CDH13: variants seen among roughly 807,000 people sequenced by gnomAD.
CDH13 encodes cadherin-13.
A neutral mutation model predicts 63.8 loss-of-function variants in CDH13; 24 were observed. The observed-to-expected ratio is 0.38, with a 90% confidence interval of 0.27 to 0.53. The LOEUF (loss-of-function observed/expected upper bound fraction) is 0.53. Among genes scored for constraint, CDH13 ranks in the 20% least tolerant of loss-of-function variants. The pLI is 0.85. For synonymous variants in CDH13, 503 were observed against 355.3 expected, an observed-to-expected ratio of 1.42 and a Z score of -4.67; for missense variants, 1,049 against 903.1, an observed-to-expected ratio of 1.16 and a Z score of -2.07.
intron 1 of CDH13, among the ~76,000 whole-genome samples, chr16:82,718,219 A>G (rs1464673702): frequency 6.6e-6 from 1 of 152,200 alleles, no homozygotes; most frequent in African/African-American, 2.4e-5. Context: ...AATGAAAACC[A>G]CATCTCATAG....
intron 3 of CDH13, among the ~76,000 whole-genome samples, chr16:83,063,547 G>T (rs1284363912): frequency 6.6e-6 from 1 of 152,230 alleles, no homozygotes; most frequent in Admixed American, 6.5e-5. Flanking sequence ...GGACAGAGAT[G>T]ATTTAGCTGA....
intron 7 of CDH13, among the ~76,000 whole-genome samples, chr16:83,578,101 C>G (rs1438979612): frequency 1.3e-5 from 2 of 152,180 alleles, no homozygotes; most frequent in Non-Finnish European, 2.9e-5. Context: ...CAGCAGCAAT[C>G]TTCAGTGCTG....
chr16:83,174,267 T>G (rs1249165379), intron 4 of CDH13, among the ~76,000 whole-genome samples: 1 of 152,086 alleles, frequency 6.6e-6, no homozygotes, highest in Non-Finnish European at 1.5e-5. Flanking sequence ...CACTTTACAA[T>G]CCATCCCTTC....
chr16:82,921,860 G>A (rs2042165989), intron 2 of CDH13, among the ~76,000 whole-genome samples: 1 of 152,036 alleles, frequency 6.6e-6, no homozygotes, highest in Admixed American at 6.6e-5. Flanking sequence ...AAACTTACCT[G>A]TAAATCTATC....
chr16:83,598,835 C>A (rs767299123), intron 7 of CDH13, among the ~76,000 whole-genome samples: 7 of 152,192 alleles, frequency 4.6e-5, no homozygotes, highest in Non-Finnish European at 8.8e-5. Flanking sequence ...CTACTAGCTC[C>A]AGATGGATGC....
At chr16:82,855,814 C>G (rs1244139774) in intron 1 of CDH13, among the ~76,000 whole-genome samples, 1 of 152,168 alleles carries the variant, frequency 6.6e-6, no homozygotes, top group African/African-American at 2.4e-5. Flanking sequence ...CACGGTGAAC[C>G]TCCTGAGATT....
intron 5 of CDH13, among the ~76,000 whole-genome samples, chr16:83,304,872 C>G (rs1597707553): frequency 6.6e-6 from 1 of 152,174 alleles, no homozygotes; most frequent in African/African-American, 2.4e-5. Context: ...CTCTGTCTCT[C>G]TCCCGTATGT....
intron 1 of CDH13, among the ~76,000 whole-genome samples, chr16:82,835,936 G>A (rs569270396): frequency 1.3e-5 from 2 of 152,232 alleles, no homozygotes; most frequent in Non-Finnish European, 2.9e-5. Context: ...CCAGGCTCTT[G>A]AGGCTCCTCA....
intron 1 of CDH13, among the ~76,000 whole-genome samples, chr16:82,679,293 A>G (rs1914280623): frequency 6.6e-6 from 1 of 152,156 alleles, no homozygotes; most frequent in African/African-American, 2.4e-5. Context: ...GTTGTTGATC[A>G]CGTACCTGGG....
intron 5 of CDH13, among the ~76,000 whole-genome samples, chr16:83,273,945 A>G (rs1421518539): frequency 2.0e-5 from 3 of 152,122 alleles, no homozygotes; most frequent in Non-Finnish European, 2.9e-5. Context: ...ATTCACCCAT[A>G]CTAGTCTATC....
intron 10 of CDH13, among the ~76,000 whole-genome samples, chr16:83,737,579 G>A (rs1911655889): frequency 6.6e-6 from 1 of 152,080 alleles, no homozygotes; most frequent in South Asian, 2.1e-4. Flanking sequence ...CCCCACTAAG[G>A]AAAGCCCAGC....
At chr16:83,151,074 T>C (rs1015446860) in intron 4 of CDH13, among the ~76,000 whole-genome samples, 3 of 152,208 alleles carry the variant, frequency 2.0e-5, no homozygotes, top group Non-Finnish European at 4.4e-5. Flanking sequence ...AAATCAATCT[T>C]GTTCCCATAC....
chr16:82,735,128 AAAGTAAAAGGAAAC>A (rs1462009455), intron 1 of CDH13, among the ~76,000 whole-genome samples: 1 of 152,192 alleles, frequency 6.6e-6, no homozygotes, highest in Non-Finnish European at 1.5e-5. Flanking sequence ...TTAAAGGAGC[AAAGTAAAAGGAAAC>A]AAGCCAAGGG....
At chr16:83,326,156 C>T (rs867500977) in intron 5 of CDH13, among the ~76,000 whole-genome samples, 1 of 152,134 alleles carries the variant, frequency 6.6e-6, no homozygotes, top group Admixed American at 6.5e-5. Context: ...GTCTTTTATT[C>T]ATCTTTCCAG....
Position 83,047,715 on chromosome 16 carries a change from A to T in CDH13, c.366+15497A>T, listed in dbSNP as rs1270735902. On this transcript the variant is annotated intron_variant, in intron 3 of 13. Coordinates refer to ENST00000567109, the MANE Select transcript of CDH13 (RefSeq NM_001257.5). This position sits in a 1 kb window ranked among gnomAD's most constrained non-coding sequence, Gnocchi z 4.9. ...ATAAATAATTTCTTAATGACTTAGC[A>T]AATGCTGGAGACAGAATGAATATTG... Among the ~76,000 whole-genome samples, 1 of 152,222 alleles carries T rather than the reference A, an allele frequency of 6.6e-6. No homozygotes were observed. Among genetic ancestry groups the T allele is most frequent in the Non-Finnish European group, 1.5e-5 (1 of 68,044 alleles).
chr16:83,318,593 T>C (rs1249961943), intron 5 of CDH13, among the ~76,000 whole-genome samples: 5 of 152,298 alleles, frequency 3.3e-5, no homozygotes, highest in African/African-American at 1.2e-4. Flanking sequence ...GAAAGGAATC[T>C]CTGTGGCACG....
chr16:83,367,114 G>C (rs1466156078), intron 6 of CDH13, among the ~76,000 whole-genome samples: 1 of 152,064 alleles, frequency 6.6e-6, no homozygotes, highest in Non-Finnish European at 1.5e-5. Flanking sequence ...GCTCATTAAC[G>C]ATCATTTCTC....
At chr16:83,258,072 ATAAAT>A (rs796430885) in intron 5 of CDH13, among the ~76,000 whole-genome samples, 22 of 152,364 alleles carry the variant, frequency 1.4e-4, no homozygotes, top group African/African-American at 4.8e-4. Flanking sequence ...GCATAAAGTG[ATAAAT>A]TAAACTGAGT....
At chr16:83,650,448 G>A (rs1912264036) in intron 8 of CDH13, among the ~76,000 whole-genome samples, 1 of 152,184 alleles carries the variant, frequency 6.6e-6, no homozygotes, top group African/African-American at 2.4e-5. Context: ...GATAACTCTT[G>A]TCCTAGGGGA....
Sources: gnomAD v4.1 joint callset for allele counts (sites outside exome capture counted in the v4.1 genomes callset) on GRCh38, gnomAD v4.1.1 for gene constraint, Gnocchi (gnomAD v3.1) non-coding constraint, MANE v1.5 for transcripts, NCBI Gene and HGNC (gene_info 2026-07-23, HGNC 2026-07-21) for gene names.